PTPRD: variants seen among roughly 807,000 people sequenced by gnomAD.
The protein encoded by PTPRD is receptor-type tyrosine-protein phosphatase delta.
A neutral mutation model predicts 214.5 loss-of-function variants in PTPRD; 34 were observed. That is an observed-to-expected ratio of 0.16 (90% CI 0.12 to 0.21). The LOEUF is 0.21. PTPRD is among the 10% of genes least tolerant of loss of function. PTPRD has a pLI of 1.00. For synonymous variants in PTPRD, 1,128 were observed against 845.7 expected (o/e 1.33, Z -5.79); for missense variants, 2,545 against 2,398.7 (o/e 1.06, Z -1.27).
At chr9:10,234,970 C>A (rs1043591859) in intron 3 of PTPRD, among the ~76,000 whole-genome samples, 2 of 151,338 alleles carry the variant, frequency 1.3e-5, no homozygotes, top group Non-Finnish European at 3.0e-5. Flanking sequence ...TTTAGTGCAA[C>A]ATACAATTAT....
At chr9:8,468,189 G>C (rs776895298) in intron 31 of PTPRD, among the ~76,000 whole-genome samples, 1 of 151,944 alleles carries the variant, frequency 6.6e-6, no homozygotes, top group Non-Finnish European at 1.5e-5. Flanking sequence ...CAAACCTGGA[G>C]CATCACTCTG....
intron 14 of PTPRD, among the ~76,000 whole-genome samples, chr9:8,592,227 T>A (rs1285661855): frequency 6.6e-6 from 1 of 152,136 alleles, no homozygotes; most frequent in African/African-American, 2.4e-5. Context: ...CTTCTTAAAG[T>A]TTCACTCTTC....
At chr9:9,838,479 T>C (rs1446213492) in intron 5 of PTPRD, among the ~76,000 whole-genome samples, 1 of 152,194 alleles carries the variant, frequency 6.6e-6, no homozygotes, top group African/African-American at 2.4e-5. Flanking sequence ...TGTGAGATTG[T>C]ATCTCATTGT....
intron 3 of PTPRD, among the ~76,000 whole-genome samples, chr9:10,220,794 G>C (rs1319498244): frequency 6.6e-6 from 1 of 151,628 alleles, no homozygotes; most frequent in Non-Finnish European, 1.5e-5. Context: ...TATCTGATAT[G>C]AGTTTTCCTT....
chr9:9,206,184 G>A (rs1247193479), intron 9 of PTPRD, among the ~76,000 whole-genome samples: 1 of 152,160 alleles, frequency 6.6e-6, no homozygotes, highest in African/African-American at 2.4e-5. Flanking sequence ...GTGTTGCTGG[G>A]GCTGAGTGAG....
intron 39 of PTPRD, among the ~76,000 whole-genome samples, chr9:8,368,978 A>C (rs949768008): frequency 6.6e-6 from 1 of 152,074 alleles, no homozygotes; most frequent in Non-Finnish European, 1.5e-5. Context: ...ATTTTTAACA[A>C]TCCTACCTTT....
intron 2 of PTPRD, among the ~76,000 whole-genome samples, chr9:10,382,699 G>A (rs539949759): frequency 6.6e-6 from 1 of 151,944 alleles, no homozygotes; most frequent in African/African-American, 2.4e-5. Flanking sequence ...ATACAAGTAT[G>A]CCTGATATAG....
At chr9:9,260,920 C>T (rs902129353) in intron 9 of PTPRD, among the ~76,000 whole-genome samples, 2 of 152,016 alleles carry the variant, frequency 1.3e-5, no homozygotes, top group Admixed American at 1.3e-4. Context: ...TACTCAGAAA[C>T]AGCCCAAAGA....
chr9:10,018,555 T>C lies in PTPRD; in HGVS notation c.-472+15163A>G, dbSNP rs2096774582. Among the ~76,000 whole-genome samples, 5 of 113,604 alleles carry C rather than the reference T, an allele frequency of 4.4e-5. No homozygotes were observed. In the South Asian group the frequency reaches 1.9e-3, roughly 43 times the overall value. 74.5% of individuals were successfully genotyped at this position (113,604 alleles called of 152,430 possible). ...TTACATTTCTTTTTTTTTTTTTTTT[T>C]TTTTTTTTTTGAGACGGAGTCTCGC... On this transcript the variant is annotated intron_variant, in intron 4 of 45. Transcript: ENST00000381196.
At chr9:8,747,006 G>A (rs948876436) in intron 11 of PTPRD, among the ~76,000 whole-genome samples, 1 of 152,158 alleles carries the variant, frequency 6.6e-6, no homozygotes, top group African/African-American at 2.4e-5. Context: ...GAAGAGAAGT[G>A]CAGGGAATGC....
At chr9:8,362,566 G>A (rs1663099369) in intron 39 of PTPRD, among the ~76,000 whole-genome samples, 1 of 152,172 alleles carries the variant, frequency 6.6e-6, no homozygotes, top group Admixed American at 6.5e-5. Flanking sequence ...GGTTCAGGTT[G>A]ACAAAGTGAG....
chr9:9,346,479 G>GT (rs1306860407), intron 9 of PTPRD, among the ~76,000 whole-genome samples: 1 of 152,066 alleles, frequency 6.6e-6, no homozygotes, highest in Non-Finnish European at 1.5e-5. Context: ...TATTACGATT[G>GT]TAAGTACTTA....
chr9:8,433,161 A>C (rs2095168165), intron 35 of PTPRD, among the ~76,000 whole-genome samples: 1 of 152,208 alleles, frequency 6.6e-6, no homozygotes, highest in Non-Finnish European at 1.5e-5. Context: ...AAACTATAAC[A>C]GATCTGAAGA....
rs1009673785 is a variant in PTPRD, at chr9:9,289,534, A to T, written c.-202-106171T>A. Among the ~76,000 whole-genome samples the T allele has an allele frequency of 2.0e-5, 3 of 151,796 alleles. No homozygotes were observed. The Admixed American group carries it at 2.0e-4, about 10-fold the overall frequency. On this transcript the variant is annotated intron_variant, in intron 9 of 45. Transcript: ENST00000381196. ...AATTTTAAGTAAACAATACAGCATA[A>T]TTAACTATATTCATCATACTGTAAA...
At chr9:10,515,545 T>C (rs2049782601) in intron 2 of PTPRD, among the ~76,000 whole-genome samples, 1 of 148,334 alleles carries the variant, frequency 6.7e-6, no homozygotes, top group Non-Finnish European at 1.5e-5. Context: ...GCCCAAGTAA[T>C]ATTTTTACAT....
intron 5 of PTPRD, among the ~76,000 whole-genome samples, chr9:9,776,415 C>G (rs1314863920): frequency 6.6e-6 from 1 of 152,108 alleles, no homozygotes; most frequent in Middle Eastern, 3.2e-3. Flanking sequence ...TCTGTATCTT[C>G]CATTATACTT....
intron 6 of PTPRD, among the ~76,000 whole-genome samples, chr9:9,742,857 C>G (rs1049035811): frequency 6.6e-6 from 1 of 152,108 alleles, no homozygotes; most frequent in Non-Finnish European, 1.5e-5. Flanking sequence ...TTGCTAAAAT[C>G]TCAAGGTTTT....
chr9:10,399,163 A>C (rs1287628167), intron 2 of PTPRD, among the ~76,000 whole-genome samples: 1 of 152,054 alleles, frequency 6.6e-6, no homozygotes, highest in Non-Finnish European at 1.5e-5. Flanking sequence ...ATACTCATCA[A>C]GACCTGTGCA....
At chr9:9,394,643 C>A (rs1224057582) in intron 9 of PTPRD, among the ~76,000 whole-genome samples, 1 of 152,008 alleles carries the variant, frequency 6.6e-6, no homozygotes, top group South Asian at 2.1e-4. Context: ...ATAGTCATCA[C>A]CATGTAGCTC....
Sources: allele counts gnomAD v4.1 joint callset (sites outside exome capture counted in the v4.1 genomes callset), GRCh38; gene constraint gnomAD v4.1.1; transcripts MANE v1.5; gene names NCBI Gene and HGNC (gene_info 2026-07-23, HGNC 2026-07-21).